Variants in TSPAN33 observed in about 807,000 individuals in gnomAD.
TSPAN33 encodes the protein tetraspanin 33.
Under a neutral mutation model 34.8 loss-of-function variants are expected in TSPAN33, and 27 were observed. The ratio of observed to expected loss-of-function variants is 0.78; its 90% CI spans 0.57 to 1.07. The LOEUF (loss-of-function observed/expected upper bound fraction) is 1.07. TSPAN33 is among the 50% of genes least tolerant of loss of function. TSPAN33 has a pLI of 0.00. For missense variants in TSPAN33, 272 were observed against 324.9 expected (o/e 0.84, Z 1.25); for synonymous variants, 119 against 124.2 (o/e 0.96, Z 0.28).
At chr7:129,164,939 C>G (rs1971767) in intron 5 of TSPAN33, 137,211 of 175,350 alleles carry the variant, frequency 0.78, 54,048 homozygotes, top group Non-Finnish European at 0.81. Flanking sequence ...CCCCTTCTCA[C>G]TGCTGCACTT....
intron 1 of TSPAN33, among the ~76,000 whole-genome samples, chr7:129,146,498 G>A (rs1810522309): frequency 1.3e-5 from 2 of 152,238 alleles, no homozygotes; most frequent in African/African-American, 2.4e-5. Flanking sequence ...TGGTTAGCAG[G>A]CTTGGTCTGG....
rs779181055 is a variant in TSPAN33 at position 129,167,747 on chromosome 7, GC to G, written c.751-23del. ...ACAAGGCCATCACTCACTGCTGAGT[GC>G]CCAATTCCTTCTTGCCTCTCCCAGC... On this transcript the variant is annotated intron_variant, in intron 7 of 7. Coordinates refer to ENST00000486685, the MANE Select transcript of TSPAN33 (RefSeq NM_178562.5). The surrounding 1 kb of genome is among the most constrained non-coding windows in gnomAD (Gnocchi z 4.6). The G allele has an allele frequency of 3.1e-5, 50 of 1,611,526 alleles. No homozygotes were observed. The highest frequency in any genetic ancestry group is 4.1e-5 in the Non-Finnish European group (48 of 1,177,962).
rs372925527 is a variant in TSPAN33 at position 129,148,708 on chromosome 7, G to A, written c.102+3626G>A. The stretch of plus-strand genomic sequence containing the variant: ...AGCCATCCCCTCCTCAGAGCCACAC[G>A]TACTTACTGCCTACAGCATCTGGAT... On this transcript the variant is annotated intron_variant, in intron 1 of 7. Transcript: ENST00000486685. The surrounding 1 kb of genome is among the most constrained non-coding windows in gnomAD (Gnocchi z 4.2). Among the ~76,000 whole-genome samples, 3 of 152,282 alleles carry A rather than the reference G, an allele frequency of 2.0e-5. No individual in the cohort carries two copies. The highest frequency in any genetic ancestry group is 2.9e-5 in the Non-Finnish European group (2 of 68,010).
rs954802539 is a variant in TSPAN33 at position 129,153,733 on chromosome 7, G to A, written c.103-7946G>A. ...TGGCGGGTGGATCACTTGAACCCAG[G>A]AGTTCAAGACCAGCCTGGGCAATAT... On this transcript the variant is annotated intron_variant, in intron 1 of 7. Transcript: ENST00000486685. 1.2e-4 allele frequency among the ~76,000 whole-genome samples: 18 copies of A among 152,206 alleles called. No homozygotes were observed. The Middle Eastern group carries it at 0.014, about 115-fold the overall frequency.
At position 129,164,468 on chromosome 7, in the gene TSPAN33, C is replaced by T. The variant is rs202188699; in HGVS notation, c.364-6C>T. The T allele has an allele frequency of 2.5e-4, 403 of 1,613,688 alleles. 1 individual carries two copies. The African/African-American group carries it at 4.2e-3, about 17-fold the overall frequency. ...TGTTCTGATTCCTTGCCCATGTCTC[C>T]GGCAGGCTCGAGGGAAAGTGAGTGA... is the stretch of plus-strand genomic sequence containing the variant. On this transcript the variant is annotated splice_polypyrimidine_tract_variant and splice_region_variant and intron_variant, in intron 4 of 7. Transcript: ENST00000486685.
chr7:129,151,472 G>C (rs1810592821), intron 1 of TSPAN33, among the ~76,000 whole-genome samples: 1 of 152,004 alleles, frequency 6.6e-6, no homozygotes, highest in South Asian at 2.1e-4. Flanking sequence ...GAGCTAATTT[G>C]CCTGTAATTA....
intron 1 of TSPAN33, among the ~76,000 whole-genome samples, chr7:129,152,884 C>A (rs186779691): frequency 6.6e-6 from 1 of 151,576 alleles, no homozygotes. Context: ...CATGGAGAAA[C>A]CCCATCTCTA....
At chr7:129,163,281 A>AGGAAGGG (rs1365757885) in intron 4 of TSPAN33, among the ~76,000 whole-genome samples, 1 of 151,804 alleles carries the variant, frequency 6.6e-6, no homozygotes, top group Non-Finnish European at 1.5e-5. Flanking sequence ...AACAGAAGGA[A>AGGAAGGG]GGAAGGGGGA....
Position 129,162,851 on chromosome 7 carries a change from G to T in TSPAN33, c.307G>T (p.Ala103Ser), listed in dbSNP as rs142211237. ...TCCACAGTTCTCCCTCTGCCTCACC[G>T]CTGTGTTCCTGCTGCAGCTGGCCGC... The part of the protein sequence containing the change: ...LLQTFSLCLT[A>S]VFLLQLAAGI... Residue 103 changes from alanine to serine, a missense_variant, in exon 4 of 8, where the codon GCT (alanine) becomes TCT (serine). Ala to Ser is a moderately conservative substitution (Grantham distance 99). Coordinates refer to ENST00000486685, the MANE Select transcript of TSPAN33 (RefSeq NM_178562.5). 6 of 1,613,774 alleles carry T rather than the reference G, an allele frequency of 3.7e-6. No individual in the cohort carries two copies. Among genetic ancestry groups the T allele is most frequent in the Non-Finnish European group, 5.1e-6 (6 of 1,179,916 alleles).
intron 1 of TSPAN33, among the ~76,000 whole-genome samples, chr7:129,146,508 G>C (rs1257685701): frequency 6.6e-6 from 1 of 152,220 alleles, no homozygotes; most frequent in Non-Finnish European, 1.5e-5. Flanking sequence ...GCTTGGTCTG[G>C]TGACCTTTCT....
At chr7:129,151,067 C>T (rs1333547998) in intron 1 of TSPAN33, among the ~76,000 whole-genome samples, 1 of 152,162 alleles carries the variant, frequency 6.6e-6, no homozygotes, top group Admixed American at 6.5e-5. Flanking sequence ...CCTAGCTCTG[C>T]TTCTCAAGGC....
chr7:129,152,356 A>C (rs1286389241), intron 1 of TSPAN33, among the ~76,000 whole-genome samples: 1 of 152,202 alleles, frequency 6.6e-6, no homozygotes, highest in Non-Finnish European at 1.5e-5. Context: ...ATGGAGAAAC[A>C]ATTGTGTTAC....
At chr7:129,158,313 C>G (rs1417554405) in intron 1 of TSPAN33, among the ~76,000 whole-genome samples, 1 of 152,218 alleles carries the variant, frequency 6.6e-6, no homozygotes, top group South Asian at 2.1e-4. Context: ...GGACATTATT[C>G]TCTCCACCAT....
In TSPAN33 at chr7:129,167,861, A is replaced by G; in HGVS notation, c.839A>G (p.Asp280Gly). The G allele has an allele frequency of 6.2e-7, 1 of 1,614,008 alleles. No homozygotes were observed. Among genetic ancestry groups the G allele is most frequent in the Non-Finnish European group, 8.5e-7 (1 of 1,179,968 alleles). ...LQLYNQQHRA[D>G]PWY ...CTCTACAACCAGCAGCACCGGGCTG[A>G]CCCATGGTACTGAGAATCCATCCTG... Residue 280 changes from aspartate (D) to glycine (G), a missense_variant, in exon 8 of 8, where the codon GAC (aspartate) becomes GGC (glycine). Asp to Gly is a moderately conservative substitution (Grantham distance 94, BLOSUM62 -1). Coordinates refer to ENST00000486685, the MANE Select transcript of TSPAN33 (RefSeq NM_178562.5). The surrounding 1 kb of genome is among the most constrained non-coding windows in gnomAD (Gnocchi z 4.6).
intron 1 of TSPAN33, among the ~76,000 whole-genome samples, chr7:129,153,586 T>G (rs1810629372): frequency 6.6e-6 from 1 of 152,162 alleles, no homozygotes; most frequent in African/African-American, 2.4e-5. Flanking sequence ...AAGGACATTT[T>G]GGGGATAATT....
intron 1 of TSPAN33, among the ~76,000 whole-genome samples, chr7:129,155,877 A>G (rs1810658919): frequency 6.6e-6 from 1 of 151,922 alleles, no homozygotes; most frequent in South Asian, 2.1e-4. Context: ...GGCATGCACC[A>G]CCATACTCAG....
At chr7:129,156,204 G>A (rs1810662532) in intron 1 of TSPAN33, among the ~76,000 whole-genome samples, 1 of 152,130 alleles carries the variant, frequency 6.6e-6, no homozygotes, top group Non-Finnish European at 1.5e-5. Flanking sequence ...GTAATACTGG[G>A]GTTATGGCTT....
At chr7:129,153,059 CAAAAAA>C (rs35432172) in intron 1 of TSPAN33, among the ~76,000 whole-genome samples, 3 of 82,490 alleles carry the variant, frequency 3.6e-5, no homozygotes, top group African/African-American at 1.4e-4. Flanking sequence ...AACTCCGTCT[CAAAAAA>C]AAAAAAAAAA....
Position 129,169,545 on chromosome 7 carries a change from C to T in TSPAN33, c.*1671C>T, listed in dbSNP as rs935627176. On this transcript the variant is annotated 3_prime_UTR_variant, in exon 8 of 8. Transcript: ENST00000486685. ...GAACTGCTGCGGGGACAAAGAGCCG[C>T]GAGTTCGCTCCCTGCCCCCAGTGTC... The T allele has an allele frequency of 2.0e-5, 3 of 152,272 alleles. No individual in the cohort carries two copies. Among genetic ancestry groups the T allele is most frequent in the Non-Finnish European group, 4.4e-5 (3 of 68,060 alleles). 9.4% of individuals were successfully genotyped at this position (152,272 alleles called of 1,614,324 possible).
Sources: gnomAD v4.1 joint callset for allele counts (sites outside exome capture counted in the v4.1 genomes callset) on GRCh38, gnomAD v4.1.1 for gene constraint, Gnocchi (gnomAD v3.1) non-coding constraint, MANE v1.5 for transcripts, NCBI Gene and HGNC (gene_info 2026-07-23, HGNC 2026-07-21) for gene names.